The following TSPAN18 variants were observed in gnomAD, a reference collection of about 807,000 sequenced individuals.
TSPAN18 encodes the protein tetraspanin 18, also known as tetraspanin-18.
In TSPAN18, 14 loss-of-function variants were observed where a neutral mutation model predicts 27.3. The ratio of observed to expected loss-of-function variants is 0.51; its 90% confidence interval spans 0.34 to 0.80. The LOEUF is 0.80. TSPAN18 is among the 30% of genes least tolerant of loss of function. TSPAN18 has a pLI of 0.01. For missense variants in TSPAN18, 268 were observed against 323.9 expected (o/e 0.83, Z 1.32); for synonymous variants, 143 against 136.5 (o/e 1.05, Z -0.33).
At chr11:44,839,139 A>G (rs1365478229) in intron 2 of TSPAN18, among the ~76,000 whole-genome samples, 1 of 152,218 alleles carries the variant, frequency 6.6e-6, no homozygotes, top group Non-Finnish European at 1.5e-5. Flanking sequence ...CTCCTGCCTG[A>G]GTTTCCAACC....
chr11:44,876,437 T>A (rs1858335098), intron 3 of TSPAN18, among the ~76,000 whole-genome samples: 1 of 152,212 alleles, frequency 6.6e-6, no homozygotes, highest in African/African-American at 2.4e-5. Context: ...CTTTGTTTTC[T>A]TATCTCCAAA....
At chr11:44,852,066 A>G (rs906120937) in intron 2 of TSPAN18, among the ~76,000 whole-genome samples, 9 of 152,192 alleles carry the variant, frequency 5.9e-5, no homozygotes, top group African/African-American at 1.9e-4. Flanking sequence ...GGCTGAATGA[A>G]TGAATGATGA....
At chr11:44,808,943 C>G (rs1202607840) in intron 2 of TSPAN18, among the ~76,000 whole-genome samples, 1 of 152,152 alleles carries the variant, frequency 6.6e-6, no homozygotes, top group African/African-American at 2.4e-5. Flanking sequence ...CCTTTCCAGG[C>G]TTACACCCCC....
At chr11:44,780,721 C>G (rs1052209787) in intron 2 of TSPAN18, among the ~76,000 whole-genome samples, 1 of 152,176 alleles carries the variant, frequency 6.6e-6, no homozygotes, top group Non-Finnish European at 1.5e-5. Context: ...GTCATGTCAC[C>G]CCCAAGCCTC....
At chr11:44,729,101 A>G (rs1039485375) in intron 1 of TSPAN18, among the ~76,000 whole-genome samples, 6 of 152,176 alleles carry the variant, frequency 3.9e-5, no homozygotes, top group Non-Finnish European at 8.8e-5. Context: ...GTTGGATGCT[A>G]CTGAAATGCT....
chr11:44,777,562 T>C (rs1001429533), intron 2 of TSPAN18, among the ~76,000 whole-genome samples: 1 of 152,244 alleles, frequency 6.6e-6, no homozygotes, highest in Non-Finnish European at 1.5e-5. Context: ...CAACAGCCTG[T>C]GTGCAAAGCC....
chr11:44,772,482 G>A (rs1041531609), intron 2 of TSPAN18, among the ~76,000 whole-genome samples: 3 of 152,102 alleles, frequency 2.0e-5, no homozygotes, highest in Non-Finnish European at 4.4e-5. Flanking sequence ...TAGATATTTT[G>A]ACAAAAGAGA....
chr11:44,734,807 CCTT>C (rs933175324), intron 1 of TSPAN18, among the ~76,000 whole-genome samples: 9 of 152,218 alleles, frequency 5.9e-5, no homozygotes, highest in Non-Finnish European at 1.0e-4. Context: ...TGCTGCCTCT[CCTT>C]CTGGGGGGAC....
chr11:44,767,723 A>T (rs2134904985), intron 2 of TSPAN18, among the ~76,000 whole-genome samples: 1 of 152,300 alleles, frequency 6.6e-6, no homozygotes, highest in South Asian at 2.1e-4. Flanking sequence ...TTATTCTAAG[A>T]GTTTTATTTA....
rs189172087 is a variant in TSPAN18 at position 44,858,133 on chromosome 11, C to T, written c.-152-2195C>T. On this transcript the variant is annotated intron_variant, in intron 2 of 9. Transcript: ENST00000520358. ...TGTTAGAATGAAATGGGTGGACATA[C>T]GTAAAGCACTGACCATGGGACCTTT... Among the ~76,000 whole-genome samples, 15 of 152,314 alleles carry T rather than the reference C, an allele frequency of 9.8e-5. No homozygotes were observed. In the East Asian group the frequency reaches 2.3e-3, roughly 23 times the overall value.
intron 8 of TSPAN18, among the ~76,000 whole-genome samples, chr11:44,926,091 G>A (rs770459169): frequency 2.7e-4 from 41 of 152,328 alleles, no homozygotes; most frequent in Non-Finnish European, 4.3e-4. Flanking sequence ...AAAGCTGCCC[G>A]AAGGAGGTGG....
At chr11:44,794,729 C>T (rs1352446023) in intron 2 of TSPAN18, among the ~76,000 whole-genome samples, 1 of 152,002 alleles carries the variant, frequency 6.6e-6, no homozygotes, top group African/African-American at 2.4e-5. Flanking sequence ...AATTCTGGTC[C>T]TATCAGCAGC....
chr11:44,735,965 G>A (rs999208196), intron 1 of TSPAN18, among the ~76,000 whole-genome samples: 1 of 152,186 alleles, frequency 6.6e-6, no homozygotes, highest in Non-Finnish European at 1.5e-5. Context: ...CTGACAGCTA[G>A]GGGTTAGGCT....
At chr11:44,926,229 T>C (rs1860347504) in intron 8 of TSPAN18, 1 of 156,756 alleles carries the variant, frequency 6.4e-6, no homozygotes, top group East Asian at 1.9e-4. Flanking sequence ...AATAGGGAAT[T>C]GTGCGGGGGA....
intron 3 of TSPAN18, among the ~76,000 whole-genome samples, chr11:44,879,201 T>TA (rs1348433721): frequency 6.6e-6 from 1 of 152,128 alleles, no homozygotes; most frequent in East Asian, 1.9e-4. Flanking sequence ...TAGCAAGGGT[T>TA]AAATCAGAAA....
At chr11:44,791,729 G>T in intron 2 of TSPAN18, among the ~76,000 whole-genome samples, 1 of 152,352 alleles carries the variant, frequency 6.6e-6, no homozygotes, top group South Asian at 2.1e-4. Flanking sequence ...GTGGACAGTG[G>T]CGTTGCCAGA....
chr11:44,845,526 C>CA (rs779422534), intron 2 of TSPAN18, among the ~76,000 whole-genome samples: 5 of 152,224 alleles, frequency 3.3e-5, no homozygotes, highest in Admixed American at 1.3e-4. Flanking sequence ...AATGGGAGCA[C>CA]AGCACAATAG....
At chr11:44,892,859 C>G (rs572235384) in intron 3 of TSPAN18, among the ~76,000 whole-genome samples, 1 of 152,210 alleles carries the variant, frequency 6.6e-6, no homozygotes, top group African/African-American at 2.4e-5. Flanking sequence ...CATGACTGCT[C>G]ACCTCGCAGG....
intron 2 of TSPAN18, among the ~76,000 whole-genome samples, chr11:44,769,109 C>G (rs1855633207): frequency 1.3e-5 from 2 of 152,130 alleles, no homozygotes; most frequent in African/African-American, 4.8e-5. Flanking sequence ...TTTGGCCAGG[C>G]TAGTCTTGAA....
Sources: allele counts gnomAD v4.1 joint callset (sites outside exome capture counted in the v4.1 genomes callset), GRCh38; gene constraint gnomAD v4.1.1; transcripts MANE v1.5; gene names NCBI Gene and HGNC (gene_info 2026-07-23, HGNC 2026-07-21).